Variants in TRAPPC9 observed in about 807,000 individuals in gnomAD.
TRAPPC9 encodes the protein IKK2 binding protein.
TRAPPC9 carries 83 observed loss-of-function variants against 124.0 expected under a neutral mutation model. That is an observed-to-expected ratio of 0.67 (90% CI 0.56 to 0.80). TRAPPC9 has a LOEUF of 0.80. Ranked by LOEUF, TRAPPC9 falls within the 30% of genes least tolerant of loss-of-function variation. TRAPPC9 has a pLI of 0.00. For missense variants in TRAPPC9, 1,302 were observed against 1,508.3 expected (o/e 0.86, Z 2.27); for synonymous variants, 638 against 617.5 (o/e 1.03, Z -0.49).
intron 9 of TRAPPC9, among the ~76,000 whole-genome samples, chr8:140,347,352 C>T (rs1200170176): frequency 6.6e-6 from 1 of 152,228 alleles, no homozygotes; most frequent in African/African-American, 2.4e-5. Flanking sequence ...TAGCCAGCTC[C>T]CACAGCACGT....
At chr8:139,748,569 G>A (rs1819110971) in intron 21 of TRAPPC9, among the ~76,000 whole-genome samples, 1 of 149,362 alleles carries the variant, frequency 6.7e-6, no homozygotes, top group African/African-American at 2.6e-5. Context: ...ATTTGCAGGT[G>A]TCAGAGCTGG....
chr8:139,960,342 C>T (rs985935400), intron 19 of TRAPPC9, among the ~76,000 whole-genome samples: 4 of 152,154 alleles, frequency 2.6e-5, no homozygotes, highest in African/African-American at 9.7e-5. Context: ...CCCAGTGAGA[C>T]TCCTGTTGGG....
intron 9 of TRAPPC9, among the ~76,000 whole-genome samples, chr8:140,356,841 C>T (rs1161826010): frequency 6.6e-6 from 1 of 152,066 alleles, no homozygotes. Context: ...AACTCCTGAC[C>T]TCAGGTGATC....
At chr8:139,880,811 G>C (rs1204784839) in intron 21 of TRAPPC9, among the ~76,000 whole-genome samples, 3 of 152,202 alleles carry the variant, frequency 2.0e-5, no homozygotes, top group Non-Finnish European at 4.4e-5. Context: ...CTGCAAACAG[G>C]AAAATATCAT....
intron 21 of TRAPPC9, among the ~76,000 whole-genome samples, chr8:139,878,464 G>A (rs757697708): frequency 7.4e-5 from 11 of 148,550 alleles, no homozygotes; most frequent in Middle Eastern, 3.5e-3. Flanking sequence ...GCCGGAGGTT[G>A]AGATTCTGGT....
chr8:139,838,662 G>C lies in TRAPPC9; in HGVS notation c.3055+47217C>G, dbSNP rs542421513. 6.5e-5 allele frequency among the ~76,000 whole-genome samples: 8 copies of C among 122,366 alleles called. No individual in the cohort carries two copies. In the East Asian group the frequency reaches 1.8e-3, roughly 27 times the overall value. The allele number at this position is 122,366 out of a possible 152,430, so 80.3% of individuals were successfully genotyped here. On this transcript the variant is annotated intron_variant, in intron 21 of 22. Transcript: ENST00000438773. ...AGGAAGAGGCTGCTGCTGTGATGAC[G>C]GGTGGGTGGCAAGGTTACCGAGGAG...
At chr8:139,891,069 T>C (rs1282812567) in intron 20 of TRAPPC9, among the ~76,000 whole-genome samples, 3 of 152,130 alleles carry the variant, frequency 2.0e-5, no homozygotes, top group Non-Finnish European at 4.4e-5. Flanking sequence ...AATTTTATTT[T>C]CTTAAGAGGA....
intron 21 of TRAPPC9, among the ~76,000 whole-genome samples, chr8:139,822,628 G>C (rs966784564): frequency 2.0e-5 from 3 of 152,122 alleles, no homozygotes; most frequent in African/African-American, 7.2e-5. Flanking sequence ...GGATGGCGGG[G>C]GGGGGCTGCC....
intron 1 of TRAPPC9, among the ~76,000 whole-genome samples, chr8:140,457,394 C>T (rs995620106): frequency 6.6e-6 from 1 of 152,176 alleles, no homozygotes; most frequent in East Asian, 1.9e-4. Flanking sequence ...GAGTCTTCAG[C>T]GGGTGTGGGA....
chr8:140,193,668 A>C (rs1350724457), intron 17 of TRAPPC9, among the ~76,000 whole-genome samples: 1 of 148,052 alleles, frequency 6.8e-6, no homozygotes. Flanking sequence ...AATTGTGCCT[A>C]CTGCTAGAAA....
In TRAPPC9 at chr8:140,439,182, C is replaced by T; in HGVS notation, c.600G>A (p.Arg200=). 1 of 1,614,144 alleles carries T rather than the reference C, an allele frequency of 6.2e-7. No individual in the cohort carries two copies. The highest frequency in any genetic ancestry group is 2.2e-5 in the East Asian group (1 of 44,884). The part of the protein sequence containing the change: ...LDTDSRHYKK[R]CQGRMRKHVG... ...CGTGCTTCCGCATGCGGCCTTGGCA[C>T]CGCTTCTTGTAATGTCTAGAAAATA... Residue 200 remains arginine (R), a synonymous_variant, in exon 3 of 23, where the codon CGG becomes CGA. Coordinates refer to ENST00000438773, the MANE Select transcript of TRAPPC9 (RefSeq NM_001160372.4).
chr8:139,868,816 T>C (rs1587037614), intron 21 of TRAPPC9, among the ~76,000 whole-genome samples: 1 of 152,228 alleles, frequency 6.6e-6, no homozygotes, highest in Non-Finnish European at 1.5e-5. Flanking sequence ...CCGTCCTGCA[T>C]GGAGCTTATA....
At chr8:140,356,663 G>A (rs1243461368) in intron 9 of TRAPPC9, among the ~76,000 whole-genome samples, 3 of 151,014 alleles carry the variant, frequency 2.0e-5, no homozygotes, top group Admixed American at 2.0e-4. Context: ...AGGCTGGGGT[G>A]CAGTGGCATG....
chr8:139,869,778 T>G (rs1828777704), intron 21 of TRAPPC9, among the ~76,000 whole-genome samples: 1 of 152,094 alleles, frequency 6.6e-6, no homozygotes, highest in South Asian at 2.1e-4. Context: ...AACAAAGTAA[T>G]TACCATAGGA....
intron 19 of TRAPPC9, among the ~76,000 whole-genome samples, chr8:139,943,436 C>T (rs910747830): frequency 6.6e-6 from 1 of 152,218 alleles, no homozygotes; most frequent in African/African-American, 2.4e-5. Flanking sequence ...TAAATGAACT[C>T]TCTCCAAAGG....
chr8:140,272,476 G>A (rs2064981056), intron 15 of TRAPPC9, among the ~76,000 whole-genome samples: 1 of 151,898 alleles, frequency 6.6e-6, no homozygotes, highest in African/African-American at 2.4e-5. Flanking sequence ...TGATGGTGAT[G>A]GTGGTGGTGG....
intron 17 of TRAPPC9, among the ~76,000 whole-genome samples, chr8:140,145,324 T>C (rs1230037404): frequency 1.3e-5 from 2 of 151,828 alleles, no homozygotes; most frequent in East Asian, 2.0e-4. Context: ...AACTGAGAAA[T>C]TCCAAGCAGA....
chr8:139,783,018 T>C (rs1309730946), intron 21 of TRAPPC9, among the ~76,000 whole-genome samples: 1 of 152,084 alleles, frequency 6.6e-6, no homozygotes, highest in East Asian at 1.9e-4. Context: ...AAGTATAACA[T>C]ATCAAAATCT....
At chr8:139,799,981 G>A (rs763321731) in intron 21 of TRAPPC9, among the ~76,000 whole-genome samples, 11 of 152,230 alleles carry the variant, frequency 7.2e-5, no homozygotes, top group Non-Finnish European at 1.0e-4. Flanking sequence ...AGACAGACAC[G>A]GAGATGGACA....
Sources: allele counts gnomAD v4.1 joint callset (sites outside exome capture counted in the v4.1 genomes callset), GRCh38; gene constraint gnomAD v4.1.1; transcripts MANE v1.5; gene names NCBI Gene and HGNC (gene_info 2026-07-23, HGNC 2026-07-21).